The following DCC variants were observed in gnomAD, a reference collection of about 807,000 sequenced individuals.
DCC encodes the protein netrin receptor DCC.
Under a neutral mutation model 172.5 loss-of-function variants are expected in DCC, and 58 were observed. The observed-to-expected ratio is 0.34, with a 90% CI of 0.27 to 0.42. The LOEUF (loss-of-function observed/expected upper bound fraction) is 0.42. DCC is among the 10% of genes least tolerant of loss of function. The pLI is 1.00. For missense variants in DCC, 1,740 were observed against 1,791.0 expected, an observed-to-expected ratio of 0.97 and a Z score of 0.51; for synonymous variants, 709 against 644.5, an observed-to-expected ratio of 1.10 and a Z score of -1.52.
chr18:52,701,537 A>C (rs1168648008), intron 1 of DCC, among the ~76,000 whole-genome samples: 3 of 152,196 alleles, frequency 2.0e-5, no homozygotes, highest in African/African-American at 7.2e-5. Flanking sequence ...ACCAGGTTTC[A>C]TGTTTTCTCT....
intron 27 of DCC, among the ~76,000 whole-genome samples, chr18:53,500,640 G>C (rs2046085458): frequency 6.6e-6 from 1 of 151,652 alleles, no homozygotes; most frequent in South Asian, 2.1e-4. Flanking sequence ...CATCACCTCT[G>C]ATGTTCTCAA....
chr18:53,498,588 A>C (rs1308812431), intron 26 of DCC, among the ~76,000 whole-genome samples: 3 of 147,802 alleles, frequency 2.0e-5, no homozygotes, highest in African/African-American at 7.4e-5. Flanking sequence ...GTGTATTTCC[A>C]TATACAAAGC....
chr18:53,116,061 A>C (rs1243989828), intron 7 of DCC, among the ~76,000 whole-genome samples: 1 of 151,652 alleles, frequency 6.6e-6, no homozygotes, highest in Non-Finnish European at 1.5e-5. Context: ...ATCGTGACAC[A>C]CAATGTTACA....
intron 23 of DCC, among the ~76,000 whole-genome samples, chr18:53,451,737 CTCTCTCTCTCTCTG>C (rs1568140839): frequency 5.3e-5 from 8 of 151,830 alleles, no homozygotes; most frequent in Non-Finnish European, 1.2e-4. Context: ...CTCTCTCCAT[CTCTCTCTCTCTCTG>C]TCTGTCTTTC....
At chr18:53,392,175 T>A (rs1236882877) in intron 17 of DCC, among the ~76,000 whole-genome samples, 1 of 152,112 alleles carries the variant, frequency 6.6e-6, no homozygotes, top group Non-Finnish European at 1.5e-5. Context: ...AGAATGCCAT[T>A]GTCCCTTTAA....
At chr18:53,480,151 T>G (rs139736172) in intron 25 of DCC, among the ~76,000 whole-genome samples, 1 of 152,186 alleles carries the variant, frequency 6.6e-6, no homozygotes, top group African/African-American at 2.4e-5. Context: ...TTTGAGAAGA[T>G]CTCAGCTGAA....
intron 2 of DCC, among the ~76,000 whole-genome samples, chr18:52,771,836 T>G (rs768617868): frequency 2.7e-5 from 4 of 150,044 alleles, no homozygotes; most frequent in Non-Finnish European, 4.4e-5. Flanking sequence ...GCTTCTCAAA[T>G]TTGGTGTGTA....
intron 12 of DCC, among the ~76,000 whole-genome samples, chr18:53,237,662 T>C (rs1034227236): frequency 2.6e-5 from 4 of 152,174 alleles, no homozygotes; most frequent in African/African-American, 9.6e-5. Flanking sequence ...TCAGTATACC[T>C]TCCATAAAAA....
intron 1 of DCC, among the ~76,000 whole-genome samples, chr18:52,632,248 T>A (rs1459527830): frequency 1.3e-5 from 2 of 152,346 alleles, no homozygotes; most frequent in African/African-American, 4.8e-5. Flanking sequence ...TCATTCCTAT[T>A]TCTTCAACTA....
intron 1 of DCC, among the ~76,000 whole-genome samples, chr18:52,411,510 A>C (rs1986841722): frequency 6.6e-6 from 1 of 152,150 alleles, no homozygotes; most frequent in Admixed American, 6.5e-5. Flanking sequence ...AAATTCTCCC[A>C]GTTACCTGGA....
At chr18:52,445,959 G>T (rs1338513682) in intron 1 of DCC, among the ~76,000 whole-genome samples, 1 of 152,036 alleles carries the variant, frequency 6.6e-6, no homozygotes, top group Non-Finnish European at 1.5e-5. Flanking sequence ...ACGGAGTCTC[G>T]CTCGCTCTGT....
At chr18:52,781,400 C>A (rs545684768) in intron 2 of DCC, among the ~76,000 whole-genome samples, 107 of 106,606 alleles carry the variant, frequency 1.0e-3, no homozygotes, top group African/African-American at 3.6e-3. Context: ...CAGGATCCAC[C>A]AAACTGCTAT....
intron 5 of DCC, among the ~76,000 whole-genome samples, chr18:53,003,992 T>C (rs986741406): frequency 6.6e-6 from 1 of 152,214 alleles, no homozygotes; most frequent in Non-Finnish European, 1.5e-5. Context: ...AATATTTCAC[T>C]CAGCTATTCA....
chr18:53,095,412 G>C (rs2043071924), intron 7 of DCC, among the ~76,000 whole-genome samples: 1 of 152,170 alleles, frequency 6.6e-6, no homozygotes, highest in Non-Finnish European at 1.5e-5. Flanking sequence ...CTTGCTCTAA[G>C]AACATGAAAC....
intron 1 of DCC, among the ~76,000 whole-genome samples, chr18:52,455,243 C>G (rs1295361867): frequency 6.6e-6 from 1 of 152,070 alleles, no homozygotes; most frequent in Non-Finnish European, 1.5e-5. Flanking sequence ...TTCAATGAGT[C>G]TCCTGAAATA....
intron 20 of DCC, among the ~76,000 whole-genome samples, chr18:53,413,370 A>G (rs1441578020): frequency 1.3e-5 from 2 of 152,236 alleles, no homozygotes; most frequent in Non-Finnish European, 1.5e-5. Context: ...TATGACAAAA[A>G]TACATGATTT....
intron 15 of DCC, among the ~76,000 whole-genome samples, chr18:53,354,193 T>G (rs1228847156): frequency 2.6e-5 from 4 of 152,206 alleles, no homozygotes; most frequent in African/African-American, 9.7e-5. Flanking sequence ...TCCAAGTCTT[T>G]GCTATTGTGA....
chr18:52,504,944 C>G lies in DCC; in HGVS notation c.91+164066C>G, dbSNP rs150256336. 4.1e-3 allele frequency among the ~76,000 whole-genome samples: 630 copies of G among 152,292 alleles called. 5 individuals carry two copies. The highest frequency in any genetic ancestry group is 0.014 in the African/African-American group (582 of 41,574). On this transcript the variant is annotated intron_variant, in intron 1 of 28. Coordinates refer to ENST00000442544, the MANE Select transcript of DCC (RefSeq NM_005215.4). ...CTATTAATACCTACTGAATCTCTCT[C>G]AACCTTTTTGTATATTTCAAAAAAC...
chr18:53,298,259 G>A (rs1330989296), intron 12 of DCC, among the ~76,000 whole-genome samples: 1 of 152,016 alleles, frequency 6.6e-6, no homozygotes, highest in African/African-American at 2.4e-5. Flanking sequence ...ACTCATAACT[G>A]GGGATGGTGG....
Sources: allele counts gnomAD v4.1 joint callset (sites outside exome capture counted in the v4.1 genomes callset), GRCh38; gene constraint gnomAD v4.1.1; transcripts MANE v1.5; gene names NCBI Gene and HGNC (gene_info 2026-07-23, HGNC 2026-07-21).